AFF1: variants seen among roughly 807,000 people sequenced by gnomAD.
AFF1 encodes ALF transcription elongation factor 1, also known as AF4/FMR2 family member 1.
A neutral mutation model predicts 121.7 loss-of-function variants in AFF1; 48 were observed. The observed-to-expected ratio is 0.39, with a 90% CI of 0.31 to 0.50. The LOEUF (loss-of-function observed/expected upper bound fraction) is 0.50. AFF1 is among the 20% of genes least tolerant of loss of function. AFF1 has a pLI of 0.76. For missense variants in AFF1, 1,523 were observed against 1,511.7 expected, an observed-to-expected ratio of 1.01 and a Z score of -0.12; for synonymous variants, 613 against 563.0, an observed-to-expected ratio of 1.09 and a Z score of -1.26.
rs996023309 is a variant in AFF1 at position 87,140,716 on chromosome 4, C to A, written c.*5015C>A. On this transcript the variant is annotated 3_prime_UTR_variant, in exon 21 of 21. Coordinates refer to ENST00000395146, the MANE Select transcript of AFF1 (RefSeq NM_001166693.3). ...GTGATGCTCTCAATGGGAAGATGTGCAACACAAATTAAGGGGAACTCCATG... is the reference window on the plus strand; with the variant it reads ...GTGATGCTCTCAATGGGAAGATGTGAAACACAAATTAAGGGGAACTCCATG... 7 of 190,924 alleles carry A rather than the reference C, an allele frequency of 3.7e-5. No individual in the cohort carries two copies. Among genetic ancestry groups the A allele is most frequent in the African/African-American group, 1.4e-4 (6 of 42,866 alleles). The allele number at this position is 190,924 out of a possible 1,614,324, so 11.8% of individuals were successfully genotyped here.
At chr4:87,022,807 GCA>G (rs1178335112) in intron 2 of AFF1, among the ~76,000 whole-genome samples, 121 of 149,998 alleles carry the variant, frequency 8.1e-4, no homozygotes, top group African/African-American at 2.7e-3. Context: ...GTATATATAT[GCA>G]CACACACACA....
chr4:87,109,889 C>T (rs1259228368), intron 11 of AFF1, among the ~76,000 whole-genome samples: 1 of 152,140 alleles, frequency 6.6e-6, no homozygotes, highest in Non-Finnish European at 1.5e-5. Flanking sequence ...CAGATCCAGG[C>T]TTGGGGACAG....
chr4:87,002,311 G>A (rs1725786803), intron 2 of AFF1, among the ~76,000 whole-genome samples: 1 of 151,204 alleles, frequency 6.6e-6, no homozygotes, highest in Admixed American at 6.6e-5. Flanking sequence ...GCCCAGGTTG[G>A]TCTTCAACTC....
chr4:86,960,777 G>GT (rs1475121146), intron 2 of AFF1, among the ~76,000 whole-genome samples: 1 of 152,108 alleles, frequency 6.6e-6, no homozygotes, highest in African/African-American at 2.4e-5. Flanking sequence ...ATCTCTTGCT[G>GT]TTTTTCCACT....
intron 2 of AFF1, among the ~76,000 whole-genome samples, chr4:86,969,745 G>T (rs1722796361): frequency 6.7e-6 from 1 of 149,960 alleles, no homozygotes; most frequent in Admixed American, 6.6e-5. Context: ...CTGGGCGCCG[G>T]GGCGGGTGCC....
chr4:86,966,036 A>G (rs576977620), intron 2 of AFF1, among the ~76,000 whole-genome samples: 9,545 of 150,016 alleles, frequency 0.064, 988 homozygotes, highest in African/African-American at 0.22. Flanking sequence ...CCTCTTCCCC[A>G]GGGTGGTAGT....
intron 4 of AFF1, among the ~76,000 whole-genome samples, chr4:87,072,235 C>T (rs746553125): frequency 2.6e-4 from 39 of 151,410 alleles, no homozygotes; most frequent in Non-Finnish European, 4.7e-4. Context: ...TGGTGGCGGG[C>T]GCCTGTAGTC....
chr4:87,043,695 T>A (rs2149607199), intron 2 of AFF1, among the ~76,000 whole-genome samples: 1 of 152,366 alleles, frequency 6.6e-6, no homozygotes, highest in South Asian at 2.1e-4. Context: ...TTTCAGTATT[T>A]TGACTGGCAT....
intron 2 of AFF1, among the ~76,000 whole-genome samples, chr4:87,014,004 TAC>T (rs1209009343): frequency 6.6e-6 from 1 of 152,162 alleles, no homozygotes; most frequent in African/African-American, 2.4e-5. Context: ...TGCTTATAAA[TAC>T]ACATTTTTCC....
intron 4 of AFF1, among the ~76,000 whole-genome samples, chr4:87,068,257 G>GCCCCCCCCCC (rs70957204): frequency 7.5e-5 from 9 of 120,132 alleles, no homozygotes; most frequent in Non-Finnish European, 1.4e-4. Context: ...CATGAAAATT[G>GCCCCCCCCCC]CCCCCCCCCC....
Position 87,096,623 on chromosome 4 carries a change from AC to A in AFF1, c.1283+1655del, listed in dbSNP as rs1560621354. ...GGCTCTTCACAAACCCAAATAGCAC[AC>A]TGCAGCCTCAAACTTCTGGGCTCAA... On this transcript the variant is annotated intron_variant, in intron 8 of 20. Transcript: ENST00000395146. Among the ~76,000 whole-genome samples, 3 of 151,984 alleles carry A rather than the reference AC, an allele frequency of 2.0e-5. No homozygotes were observed. The South Asian group carries it at 6.2e-4, about 32-fold the overall frequency.
In AFF1 at chr4:87,105,987, T is replaced by C. The variant is rs948735756; in HGVS notation, c.1376+142T>C. 6.4e-6 allele frequency: 7 copies of C among 1,090,094 alleles called. No individual in the cohort carries two copies. The Admixed American group carries it at 1.3e-4, about 20-fold the overall frequency. The allele number at this position is 1,090,094 out of a possible 1,614,324, so 67.5% of individuals were successfully genotyped here. ...TCACAGTAAAAGGAAAGTACCTGTT[T>C]AATATTTTGGAAGCTTAAATCAGCC... On this transcript the variant is annotated intron_variant, in intron 10 of 20. Transcript: ENST00000395146.
chr4:87,090,628 G>A (rs757692493), intron 6 of AFF1, among the ~76,000 whole-genome samples: 1 of 151,966 alleles, frequency 6.6e-6, no homozygotes. Context: ...TCTGTGTTTT[G>A]TTCAATCTGA....
chr4:87,068,264 C>CCT lies in AFF1; in HGVS notation c.1060-15855_1060-15854insTC, dbSNP rs779291467. Among the ~76,000 whole-genome samples, 22 of 146,586 alleles carry CCT rather than the reference C, an allele frequency of 1.5e-4. No individual in the cohort carries two copies. The East Asian group carries it at 4.3e-3, about 29-fold the overall frequency. ...AATGTAAGCATGAAAATTGCCCCCC[C>CCT]CCCACTCCATGAATAAATTGCCTTT... On this transcript the variant is annotated intron_variant, in intron 4 of 20. Coordinates refer to ENST00000395146, the MANE Select transcript of AFF1 (RefSeq NM_001166693.3).
chr4:86,984,054 AAAAAG>A (rs887486651), intron 2 of AFF1, among the ~76,000 whole-genome samples: 8 of 152,162 alleles, frequency 5.3e-5, no homozygotes, highest in African/African-American at 1.9e-4. Context: ...AAGAAAAAGA[AAAAAG>A]AAATGCTTTG....
intron 2 of AFF1, chr4:87,007,310 C>G (rs777681969): frequency 7.6e-6 from 12 of 1,588,526 alleles, no homozygotes; most frequent in Non-Finnish European, 1.0e-5. Context: ...GACGCGTCCC[C>G]GCCCGGCTCC....
intron 8 of AFF1, among the ~76,000 whole-genome samples, chr4:87,103,361 T>C (rs1725614957): frequency 6.6e-6 from 1 of 152,248 alleles, no homozygotes; most frequent in Non-Finnish European, 1.5e-5. Flanking sequence ...GTTTATTCTT[T>C]ATCAAATAAA....
intron 2 of AFF1, among the ~76,000 whole-genome samples, chr4:86,997,340 A>C (rs947950214): frequency 2.6e-5 from 4 of 152,256 alleles, no homozygotes; most frequent in Non-Finnish European, 4.4e-5. Context: ...GTGGCCCCTT[A>C]ACTGTGGACT....
At chr4:87,028,002 G>T (rs1203376721) in intron 2 of AFF1, among the ~76,000 whole-genome samples, 1 of 151,722 alleles carries the variant, frequency 6.6e-6, no homozygotes, top group African/African-American at 2.4e-5. Flanking sequence ...ACACTCTAAG[G>T]AAGTGCTTAT....
Sources: allele counts gnomAD v4.1 joint callset (sites outside exome capture counted in the v4.1 genomes callset), GRCh38; gene constraint gnomAD v4.1.1; transcripts MANE v1.5; gene names NCBI Gene and HGNC (gene_info 2026-07-23, HGNC 2026-07-21).